Variants in SORCS3 observed in about 807,000 individuals in gnomAD.
SORCS3 encodes VPS10 domain-containing receptor SorCS3.
A neutral mutation model predicts 146.3 loss-of-function variants in SORCS3; 57 were observed. The ratio of observed to expected loss-of-function variants is 0.39; its 90% CI spans 0.31 to 0.49. The LOEUF (loss-of-function observed/expected upper bound fraction) is 0.49. SORCS3 is among the 20% of genes least tolerant of loss of function. The probability of loss-of-function intolerance (pLI) is 0.92; values close to 1 mark genes in which losing one functional copy is unlikely to be tolerated. For missense variants in SORCS3, 1,341 were observed against 1,575.5 expected, an observed-to-expected ratio of 0.85 and a Z score of 2.52; for synonymous variants, 653 against 618.5, an observed-to-expected ratio of 1.06 and a Z score of -0.83.
rs575397603 is a variant in SORCS3, at chr10:104,801,729, G to GA, written c.628-41061dup. Among the ~76,000 whole-genome samples the GA allele has an allele frequency of 3.3e-5, 5 of 152,324 alleles. No individual in the cohort carries two copies. The South Asian group carries it at 1.0e-3, about 32-fold the overall frequency. ...GAAGCAGGGCCCGAAAGAAGGAACT[G>GA]AAGCATTGAGGGATGCATTTAATTC... On this transcript the variant is annotated intron_variant, in intron 1 of 26. Transcript: ENST00000369701.
At chr10:104,653,749 A>T (rs1375102514) in intron 1 of SORCS3, among the ~76,000 whole-genome samples, 1 of 152,224 alleles carries the variant, frequency 6.6e-6, no homozygotes, top group African/African-American at 2.4e-5. Flanking sequence ...CATAATAATC[A>T]CATCATGGAA....
intron 1 of SORCS3, among the ~76,000 whole-genome samples, chr10:104,728,948 G>A (rs942874200): frequency 2.0e-5 from 3 of 152,080 alleles, no homozygotes; most frequent in African/African-American, 7.2e-5. Context: ...TTACATCCCA[G>A]GCCAGATGTC....
intron 9 of SORCS3, among the ~76,000 whole-genome samples, chr10:105,153,884 C>A (rs2056186191): frequency 6.6e-6 from 1 of 151,858 alleles, no homozygotes; most frequent in African/African-American, 2.4e-5. Context: ...GCCTGGCCAA[C>A]ATGGTGAAAC....
intron 2 of SORCS3, among the ~76,000 whole-genome samples, chr10:104,907,925 C>A (rs749285023): frequency 6.6e-6 from 1 of 152,234 alleles, no homozygotes; most frequent in Non-Finnish European, 1.5e-5. Flanking sequence ...TCTGCCATTG[C>A]AAAGATACAG....
intron 1 of SORCS3, among the ~76,000 whole-genome samples, chr10:104,833,154 T>C (rs1243743706): frequency 1.3e-5 from 2 of 152,144 alleles, no homozygotes; most frequent in African/African-American, 2.4e-5. Flanking sequence ...TTGTTAGAAG[T>C]CATGTTGTAT....
intron 11 of SORCS3, among the ~76,000 whole-genome samples, chr10:105,161,261 A>G (rs759772491): frequency 2.0e-5 from 3 of 152,142 alleles, no homozygotes; most frequent in Non-Finnish European, 4.4e-5. Context: ...GTGCCTCTTC[A>G]TACCCAGCTT....
rs566892219 is a variant in SORCS3 at position 105,003,742 on chromosome 10, C to T, written c.954+26249C>T. On this transcript the variant is annotated intron_variant, in intron 4 of 26. Transcript: ENST00000369701. ...TCCCCCTAACTTTTCATCTGGACCTCGCTTTGATTTATTCCATGGGCTCCT... is the reference window on the plus strand; with the variant it reads ...TCCCCCTAACTTTTCATCTGGACCTTGCTTTGATTTATTCCATGGGCTCCT... Among the ~76,000 whole-genome samples, 7 of 152,222 alleles carry T rather than the reference C, an allele frequency of 4.6e-5. 1 individual carries two copies. The highest frequency in any genetic ancestry group is 2.0e-4 in the Admixed American group (3 of 15,288).
intron 8 of SORCS3, among the ~76,000 whole-genome samples, chr10:105,142,315 T>A (rs1017912253): frequency 6.6e-6 from 1 of 152,194 alleles, no homozygotes; most frequent in African/African-American, 2.4e-5. Context: ...CACCCTTTTG[T>A]GTTTGGGAAA....
At chr10:104,970,042 C>G (rs1299384164) in intron 3 of SORCS3, among the ~76,000 whole-genome samples, 1 of 152,118 alleles carries the variant, frequency 6.6e-6, no homozygotes, top group East Asian at 1.9e-4. Flanking sequence ...ATAAAATAAG[C>G]AGTTTAATTT....
chr10:104,846,295 G>A (rs1055107862), intron 2 of SORCS3, among the ~76,000 whole-genome samples: 3 of 152,194 alleles, frequency 2.0e-5, no homozygotes, highest in Admixed American at 2.0e-4. Flanking sequence ...TGTATCTCCC[G>A]TTCTCTTTTC....
At chr10:104,949,050 T>C (rs1198749974) in intron 3 of SORCS3, among the ~76,000 whole-genome samples, 1 of 152,160 alleles carries the variant, frequency 6.6e-6, no homozygotes, top group African/African-American at 2.4e-5. Context: ...CACACATCCA[T>C]CCAGGTCTTC....
At chr10:104,684,970 A>G (rs910446403) in intron 1 of SORCS3, among the ~76,000 whole-genome samples, 3 of 151,428 alleles carry the variant, frequency 2.0e-5, no homozygotes, top group African/African-American at 7.3e-5. Context: ...GGTGACTATC[A>G]CCACACCTGG....
intron 1 of SORCS3, among the ~76,000 whole-genome samples, chr10:104,728,006 T>TTA (rs1362928578): frequency 6.7e-6 from 1 of 150,292 alleles, no homozygotes; most frequent in Non-Finnish European, 1.5e-5. Flanking sequence ...GACCACTGCT[T>TTA]TATATATATA....
At chr10:104,709,469 G>T (rs752237860) in intron 1 of SORCS3, among the ~76,000 whole-genome samples, 7 of 152,212 alleles carry the variant, frequency 4.6e-5, no homozygotes, top group Non-Finnish European at 8.8e-5. Flanking sequence ...TTTATTATTA[G>T]AATTTTTTTA....
chr10:104,887,504 G>A (rs1316538898), intron 2 of SORCS3, among the ~76,000 whole-genome samples: 1 of 152,216 alleles, frequency 6.6e-6, no homozygotes, highest in East Asian at 1.9e-4. Flanking sequence ...AAAGGCTCCA[G>A]TGAGGAGTTT....
chr10:105,160,875 T>C (rs2056256407), intron 11 of SORCS3, among the ~76,000 whole-genome samples: 1 of 152,186 alleles, frequency 6.6e-6, no homozygotes, highest in Non-Finnish European at 1.5e-5. Context: ...GGTTTGTGCA[T>C]TTGGCTTAGT....
chr10:104,759,069 C>T (rs2017091438), intron 1 of SORCS3, among the ~76,000 whole-genome samples: 2 of 152,066 alleles, frequency 1.3e-5, no homozygotes, highest in East Asian at 1.9e-4. Context: ...GTAGGGTGGG[C>T]CCTGATCCAG....
chr10:104,999,616 A>G (rs1232111995), intron 4 of SORCS3, among the ~76,000 whole-genome samples: 2 of 152,102 alleles, frequency 1.3e-5, no homozygotes, highest in East Asian at 3.9e-4. Context: ...GAGGTTGAGC[A>G]TCTCTTGCTC....
intron 4 of SORCS3, among the ~76,000 whole-genome samples, chr10:105,033,791 A>T (rs2055286436): frequency 6.6e-6 from 1 of 152,164 alleles, no homozygotes; most frequent in Non-Finnish European, 1.5e-5. Context: ...ACTAGTTCAT[A>T]ATTTTTGGTA....
Sources: gnomAD v4.1 joint callset for allele counts (sites outside exome capture counted in the v4.1 genomes callset) on GRCh38, gnomAD v4.1.1 for gene constraint, MANE v1.5 for transcripts, NCBI Gene and HGNC (gene_info 2026-07-23, HGNC 2026-07-21) for gene names.